Variants in GRTP1 observed in about 807,000 individuals in gnomAD.
The protein encoded by GRTP1 is growth hormone regulated TBC protein 1, also known as growth hormone-regulated TBC protein 1.
GRTP1 carries 56 observed loss-of-function variants against 38.1 expected under a neutral mutation model. The observed-to-expected ratio is 1.47, with a 90% CI of 1.19 to 1.84. GRTP1 has a LOEUF of 1.84. GRTP1 is among the 40% of genes most tolerant of loss of function. The probability of loss-of-function intolerance (pLI) is 0.00; values close to 1 mark genes in which losing one functional copy is unlikely to be tolerated. For missense variants in GRTP1, 506 were observed against 453.9 expected, an observed-to-expected ratio of 1.11 and a Z score of -1.04; for synonymous variants, 217 against 189.5, an observed-to-expected ratio of 1.14 and a Z score of -1.19.
chr13:113,327,175 G>A (rs1317924380), intron 5 of GRTP1, among the ~76,000 whole-genome samples: 1 of 152,178 alleles, frequency 6.6e-6, no homozygotes, highest in Non-Finnish European at 1.5e-5. Flanking sequence ...CATGTAATGA[G>A]TTATAGTACA....
chr13:113,354,807 G>A (rs1000427020), intron 3 of GRTP1, among the ~76,000 whole-genome samples: 20 of 152,120 alleles, frequency 1.3e-4, no homozygotes, highest in African/African-American at 4.8e-4. Flanking sequence ...GATTACAGGC[G>A]TGAGCCACCG....
Position 113,349,433 on chromosome 13 carries a change from T to A in GRTP1, c.465+1416A>T, listed in dbSNP as rs2043222483. Among the ~76,000 whole-genome samples, 1 of 152,190 alleles carries A rather than the reference T, an allele frequency of 6.6e-6. No individual in the cohort carries two copies. Among genetic ancestry groups the A allele is most frequent in the Non-Finnish European group, 1.5e-5 (1 of 68,032 alleles). On this transcript the variant is annotated intron_variant, in intron 4 of 7. Transcript: ENST00000375431. The surrounding 1 kb of genome is among the most constrained non-coding windows in gnomAD (Gnocchi z 5.0). ...GTATGCATTTTAATAAAGCTGTTTT[T>A]AAAACACAAAGGAGCAGTAAATAGA...
chr13:113,338,665 C>T (rs537178911), intron 5 of GRTP1, among the ~76,000 whole-genome samples: 10 of 152,270 alleles, frequency 6.6e-5, no homozygotes, highest in South Asian at 2.1e-4. Flanking sequence ...CAGACGGACT[C>T]GCACCCCGTG....
rs2042728551 is a variant in GRTP1, at chr13:113,324,404, G to A, written c.*84C>T. ...GTCAAGTATTTACAACACTAAAAAG[G>A]AAAGCAGTGAAAGTTGGTCCAGTGT... On this transcript the variant is annotated 3_prime_UTR_variant, in exon 8 of 8. Coordinates refer to ENST00000375431, the MANE Select transcript of GRTP1 (RefSeq NM_024719.4). The A allele has an allele frequency of 8.4e-6, 12 of 1,423,806 alleles. No homozygotes were observed. The allele number at this position is 1,423,806 out of a possible 1,614,324, so 88.2% of individuals were successfully genotyped here. A position where few individuals can be genotyped will look rare whatever the true frequency, so the allele number is the denominator to read the frequency against.
At position 113,363,632 on chromosome 13, in the gene GRTP1, G is replaced by T. The variant is rs757040631; in HGVS notation, c.181+130C>A. On this transcript the variant is annotated intron_variant, in intron 2 of 7. Coordinates refer to ENST00000375431, the MANE Select transcript of GRTP1 (RefSeq NM_024719.4). The stretch of plus-strand genomic sequence containing the variant: ...CTGCGGCTGCCCTAGCTCGGAGCCC[G>T]CAGCTTCGTCCCGACCTGCCCGGAA... 1.4e-4 allele frequency: 130 copies of T among 960,198 alleles called. No individual in the cohort carries two copies. The East Asian group carries it at 2.1e-3, about 16-fold the overall frequency. The allele number at this position is 960,198 out of a possible 1,614,324, so 59.5% of individuals were successfully genotyped here. A position where few individuals can be genotyped will look rare whatever the true frequency, so the allele number is the denominator to read the frequency against.
intron 3 of GRTP1, 53 bp downstream of exon 3, chr13:113,355,270 G>A (rs2043361872): frequency 4.4e-6 from 7 of 1,587,438 alleles, no homozygotes; most frequent in South Asian, 1.1e-5. Context: ...GGTGGAAACC[G>A]GTTCCTTCCG....
intron 2 of GRTP1, among the ~76,000 whole-genome samples, chr13:113,359,370 G>A (rs1177402227): frequency 6.6e-6 from 1 of 152,124 alleles, no homozygotes; most frequent in Non-Finnish European, 1.5e-5. Flanking sequence ...TATTTGATAG[G>A]CCAGGTGCAG....
intron 5 of GRTP1, among the ~76,000 whole-genome samples, 156 bp downstream of exon 5, chr13:113,344,707 C>T (rs1339252622): frequency 1.7e-4 from 13 of 76,778 alleles, no homozygotes; most frequent in South Asian, 1.2e-3. Flanking sequence ...AGCGAGACTC[C>T]GTCTCAAAAA....
chr13:113,345,927 T>C (rs2043098092), intron 4 of GRTP1, among the ~76,000 whole-genome samples: 1 of 151,188 alleles, frequency 6.6e-6, no homozygotes, highest in Admixed American at 6.6e-5. Flanking sequence ...TTCGAGCTGA[T>C]GACGGAAATG....
intron 3 of GRTP1, among the ~76,000 whole-genome samples, chr13:113,352,165 G>C (rs1230490097): frequency 6.9e-6 from 1 of 144,034 alleles, no homozygotes; most frequent in African/African-American, 2.6e-5. Context: ...TAGTATTTTT[G>C]CTATTTCAGA....
intron 5 of GRTP1, among the ~76,000 whole-genome samples, chr13:113,338,076 C>A (rs967980330): frequency 6.6e-6 from 1 of 152,226 alleles, no homozygotes; most frequent in Non-Finnish European, 1.5e-5. Context: ...TCATGACTGA[C>A]GCAGTCTTCC....
intron 5 of GRTP1, among the ~76,000 whole-genome samples, chr13:113,328,207 C>T (rs1364747620): frequency 6.6e-6 from 1 of 152,224 alleles, no homozygotes; most frequent in African/African-American, 2.4e-5. Flanking sequence ...ACATCCACGC[C>T]TCTGCAAACC....
intron 5 of GRTP1, among the ~76,000 whole-genome samples, chr13:113,327,208 G>T (rs1324503587): frequency 1.3e-5 from 2 of 151,962 alleles, no homozygotes; most frequent in Admixed American, 6.6e-5. Flanking sequence ...ACGGAGTCTC[G>T]CTCTGTCACC....
Position 113,324,653 on chromosome 13 carries a change from G to GACA in GRTP1, c.922-77_922-76insTGT, listed in dbSNP as rs1375343717. 5.0e-5 allele frequency: 76 copies of GACA among 1,526,802 alleles called. 2 individuals are homozygous for GACA. The highest frequency in any genetic ancestry group is 4.7e-4 in the African/African-American group (34 of 72,876). 94.6% of individuals were successfully genotyped at this position (1,526,802 alleles called of 1,614,324 possible). On this transcript the variant is annotated intron_variant, in intron 7 of 7. Coordinates refer to ENST00000375431, the MANE Select transcript of GRTP1 (RefSeq NM_024719.4). ...GTTAGCTCTCCCAGACTGGCAGGCA[G>GACA]GCAGACAGGCCTCGTGTGAGGTGAG...
chr13:113,326,279 AC>A (rs944864738), intron 5 of GRTP1, among the ~76,000 whole-genome samples, 188 bp from the exon 6 acceptor site: 1 of 151,098 alleles, frequency 6.6e-6, no homozygotes, highest in Non-Finnish European at 1.5e-5. Context: ...AGCGACCCCC[AC>A]AGCCAGGCCT....
intron 3 of GRTP1, 42 bp downstream of exon 3, chr13:113,355,281 G>A: frequency 6.2e-7 from 1 of 1,600,260 alleles, no homozygotes; most frequent in Non-Finnish European, 8.5e-7. Context: ...GTTCCTTCCG[G>A]CCCCCGGGCC....
intron 5 of GRTP1, among the ~76,000 whole-genome samples, chr13:113,338,908 ATTTT>A (rs10534935): frequency 2.4e-4 from 22 of 93,596 alleles, no homozygotes; most frequent in African/African-American, 4.6e-4. Context: ...TTCTGCTTAG[ATTTT>A]TTTTTTTTTT....
rs1206795725 is a variant in GRTP1 at position 113,343,064 on chromosome 13, G to A, written c.562+1799C>T. ...GCTCACCGATGTTTCCCACACCCCT[G>A]AACGGCGCCCAGAACACGATAGGTT... On this transcript the variant is annotated intron_variant, in intron 5 of 7. Transcript: ENST00000375431. This position sits in a 1 kb window ranked among gnomAD's most constrained non-coding sequence, Gnocchi z 4.8. Among the ~76,000 whole-genome samples, 2 of 151,984 alleles carry A rather than the reference G, an allele frequency of 1.3e-5. No homozygotes were observed. Among genetic ancestry groups the A allele is most frequent in the African/African-American group, 4.8e-5 (2 of 41,376 alleles).
At position 113,348,360 on chromosome 13, in the gene GRTP1, A is replaced by G. The variant is rs951750812; in HGVS notation, c.465+2489T>C. Among the ~76,000 whole-genome samples, 1 of 152,158 alleles carries G rather than the reference A, an allele frequency of 6.6e-6. No homozygotes were observed. Among genetic ancestry groups the G allele is most frequent in the Non-Finnish European group, 1.5e-5 (1 of 68,034 alleles). Reference sequence around the variant, plus strand: ...CAGCTACTCAGGAGGCCAAGGTGGGAAAATCGCTTGAGCAAAGGAGGTTGA... The same window carrying G: ...CAGCTACTCAGGAGGCCAAGGTGGGGAAATCGCTTGAGCAAAGGAGGTTGA... On this transcript the variant is annotated intron_variant, in intron 4 of 7. Coordinates refer to ENST00000375431, the MANE Select transcript of GRTP1 (RefSeq NM_024719.4). The surrounding 1 kb of genome is among the most constrained non-coding windows in gnomAD (Gnocchi z 4.8).
Sources: allele counts gnomAD v4.1 joint callset (sites outside exome capture counted in the v4.1 genomes callset), GRCh38; gene constraint gnomAD v4.1.1; non-coding constraint Gnocchi (gnomAD v3.1); transcripts MANE v1.5; gene names NCBI Gene and HGNC (gene_info 2026-07-23, HGNC 2026-07-21).